LAMA4: variants seen among roughly 807,000 people sequenced by gnomAD.
LAMA4 encodes laminin subunit alpha 4.
In LAMA4, 127 loss-of-function variants were observed where a neutral mutation model predicts 207.1. The ratio of observed to expected loss-of-function variants is 0.61; its 90% CI spans 0.53 to 0.71. The LOEUF (loss-of-function observed/expected upper bound fraction) is 0.71. LAMA4 is among the 30% of genes least tolerant of loss of function. The pLI is 0.00. For synonymous variants in LAMA4, 761 were observed against 816.0 expected (o/e 0.93, Z 1.15); for missense variants, 2,093 against 2,246.5 (o/e 0.93, Z 1.38).
intron 2 of LAMA4, among the ~76,000 whole-genome samples, chr6:112,229,416 T>A (rs1384771295): frequency 6.6e-6 from 1 of 152,162 alleles, no homozygotes; most frequent in Non-Finnish European, 1.5e-5. Flanking sequence ...TCCTCCAACA[T>A]CCTGAACTCA....
At chr6:112,229,032 C>G (rs1156256216) in intron 2 of LAMA4, among the ~76,000 whole-genome samples, 1 of 152,212 alleles carries the variant, frequency 6.6e-6, no homozygotes, top group Non-Finnish European at 1.5e-5. Flanking sequence ...AGGTCAAGGA[C>G]TCTTTCAAAT....
chr6:112,207,107 C>A lies in LAMA4; in HGVS notation c.336G>T (p.Lys112Asn). 1 of 1,614,006 alleles carries A rather than the reference C, an allele frequency of 6.2e-7. No individual in the cohort carries two copies. Among genetic ancestry groups the A allele is most frequent in the Non-Finnish European group, 8.5e-7 (1 of 1,179,958 alleles). ...QRNTTGEHCE[K>N]CLDGYIGDSI... The stretch of plus-strand genomic sequence containing the variant: ...AATCTCCGATATAACCATCCAGACA[C>A]TTTTCACAGTGCTCTCCTGTTGTGT... Residue 112 changes from lysine to asparagine, a missense_variant, in exon 4 of 39, where the codon AAG (lysine) becomes AAT (asparagine). Physicochemically the swap from Lys to Asn is moderately conservative, Grantham distance 94. Transcript: ENST00000230538.
intron 6 of LAMA4, among the ~76,000 whole-genome samples, chr6:112,190,947 C>CTTTCTTTCCTTTCTTTCTTT (rs1491586717): frequency 2.7e-4 from 11 of 40,502 alleles, no homozygotes; most frequent in South Asian, 9.5e-4. Context: ...TTCTTTCTTT[C>CTTTCTTTCCTTTCTTTCTTT]CTTTCTTTCT....
chr6:112,215,473 T>C (rs1784572756), intron 3 of LAMA4, among the ~76,000 whole-genome samples: 1 of 152,202 alleles, frequency 6.6e-6, no homozygotes, highest in South Asian at 2.1e-4. Flanking sequence ...GTTGAGTGCA[T>C]TTAAATAAGT....
Position 112,254,075 on chromosome 6 carries a change from A to G in LAMA4, c.76T>C (p.Ser26Pro). The change falls in exon 2 of 39, where the codon TCC becomes CCC. Residue 26 changes from serine to proline, a missense_variant. Physicochemically the swap from Ser to Pro is moderately conservative, Grantham distance 74. Coordinates refer to ENST00000230538, the MANE Select transcript of LAMA4 (RefSeq NM_001105206.3). Reference sequence around the variant, plus strand: ...AAAGGAAAAGCGTTGTCGTCCCCGGACGCGGCGCGGGAGCAGGCAGCGCTC... The same window carrying G: ...AAAGGAAAAGCGTTGTCGTCCCCGGGCGCGGCGCGGGAGCAGGCAGCGCTC... ...LWSAACSRAA[S>P]GDDNAFPFDI... 3 of 1,611,466 alleles carry G rather than the reference A, an allele frequency of 1.9e-6. No individual in the cohort carries two copies. The highest frequency in any genetic ancestry group is 2.5e-6 in the Non-Finnish European group (3 of 1,179,304).
At chr6:112,129,499 C>G (rs1254084776) in intron 30 of LAMA4, among the ~76,000 whole-genome samples, 1 of 152,110 alleles carries the variant, frequency 6.6e-6, no homozygotes, top group Non-Finnish European at 1.5e-5. Context: ...GTATGTTACT[C>G]TGTCATTAAT....
intron 13 of LAMA4, among the ~76,000 whole-genome samples, chr6:112,161,673 G>T (rs1005055566): frequency 2.0e-5 from 3 of 152,308 alleles, no homozygotes; most frequent in African/African-American, 7.2e-5. Flanking sequence ...GCTAATTTCA[G>T]GGAGTAAAAG....
chr6:112,178,202 C>T lies in LAMA4; in HGVS notation c.1108G>A (p.Val370Ile). ...ATGGTGTCCATGCTTTCCTTCTGAA[C>T]AAGTTGTCCTTTTCTGGAGGCTTGA... ...ENQASRKGQLVQKESMDTINH... is the reference protein window; with the variant it reads ...ENQASRKGQLIQKESMDTINH... Residue 370 changes from valine to isoleucine, a missense_variant, in exon 10 of 39, where the codon GTT (valine) becomes ATT (isoleucine). Val to Ile is a conservative substitution (Grantham distance 29). Around this residue, in one of 3 missense-constraint regions of LAMA4, gnomAD observed 1,704 missense variants for 1,788.4 expected, o/e 0.95. Transcript: ENST00000230538. 1 of 1,613,832 alleles carries T rather than the reference C, an allele frequency of 6.2e-7. No homozygotes were observed.
At chr6:112,131,675 G>C (rs976742838) in intron 28 of LAMA4, among the ~76,000 whole-genome samples, 12 of 152,004 alleles carry the variant, frequency 7.9e-5, no homozygotes, top group African/African-American at 2.9e-4. Flanking sequence ...ACTTTTTATG[G>C]GCAAAAAGTG....
intron 2 of LAMA4, among the ~76,000 whole-genome samples, chr6:112,237,838 A>T (rs1189612855): frequency 2.0e-5 from 3 of 152,202 alleles, no homozygotes; most frequent in African/African-American, 7.2e-5. Flanking sequence ...GCCCTCCTGG[A>T]TGGTTACCAA....
At chr6:112,221,705 G>C (rs772560460) in intron 2 of LAMA4, among the ~76,000 whole-genome samples, 108 of 151,372 alleles carry the variant, frequency 7.1e-4, no homozygotes, top group Non-Finnish European at 1.2e-3. Flanking sequence ...TGCTCAGTTA[G>C]GAGCTAAAAC....
chr6:112,211,828 C>T lies in LAMA4; in HGVS notation c.297+4540G>A, dbSNP rs180910729. On this transcript the variant is annotated intron_variant, in intron 3 of 38. Transcript: ENST00000230538. Reference sequence around the variant, plus strand: ...GCTCAGTGTGGCTGGAGGAGAAACTCCTGGAGGATTTTGGAAAGTGGGATG... The same window carrying T: ...GCTCAGTGTGGCTGGAGGAGAAACTTCTGGAGGATTTTGGAAAGTGGGATG... Among the ~76,000 whole-genome samples the T allele has an allele frequency of 6.0e-4, 91 of 152,212 alleles. 1 individual carries two copies. The highest frequency in any genetic ancestry group is 3.4e-3 in the Middle Eastern group (1 of 294).
At chr6:112,131,184 T>G in intron 28 of LAMA4, 83 bp from the exon 29 acceptor site, 2 of 1,292,528 alleles carry the variant, frequency 1.5e-6, no homozygotes, top group Non-Finnish European at 2.2e-6. Flanking sequence ...TGAATGGTAT[T>G]GCTTAAAGGC....
chr6:112,110,408 C>T (rs1443858743), intron 38 of LAMA4, among the ~76,000 whole-genome samples: 1 of 152,122 alleles, frequency 6.6e-6, no homozygotes, highest in African/African-American at 2.4e-5. Context: ...ACTTAGAAAT[C>T]AGTAATTCAG....
In LAMA4 at chr6:112,190,944, TTTCCTTTCTTTC is replaced by T. The variant is rs1472571564; in HGVS notation, c.718+680_718+691del. ...CTTTCTTTCTTTCTTTCTTTCTTTC[TTTCCTTTCTTTC>T]TTTCTTTCTTTCTTTCTTTCTTTCT... On this transcript the variant is annotated intron_variant, in intron 6 of 38. Coordinates refer to ENST00000230538, the MANE Select transcript of LAMA4 (RefSeq NM_001105206.3). Among the ~76,000 whole-genome samples, 356 of 41,644 alleles carry T rather than the reference TTTCCTTTCTTTC, an allele frequency of 8.5e-3. 3 individuals carry two copies. Among genetic ancestry groups the T allele is most frequent in the South Asian group, 0.021 (20 of 964 alleles). 27.3% of individuals were successfully genotyped at this position (41,644 alleles called of 152,430 possible).
intron 11 of LAMA4, 62 bp downstream of exon 11, chr6:112,175,251 G>A (rs1248557825): frequency 6.6e-7 from 1 of 1,511,368 alleles, no homozygotes; most frequent in East Asian, 2.3e-5. Context: ...TTTAATGTCT[G>A]CTATTGGACC....
intron 16 of LAMA4, among the ~76,000 whole-genome samples, chr6:112,151,039 A>G (rs990218043): frequency 6.6e-6 from 1 of 151,940 alleles, no homozygotes; most frequent in African/African-American, 2.4e-5. Context: ...GCAATATAAC[A>G]TACATCTAGA....
intron 2 of LAMA4, among the ~76,000 whole-genome samples, chr6:112,249,637 T>C (rs1231756922): frequency 6.6e-6 from 1 of 152,098 alleles, no homozygotes; most frequent in Non-Finnish European, 1.5e-5. Context: ...TTTCTATGTG[T>C]ATCAAATGAG....
chr6:112,155,306 A>AT (rs533537554), intron 15 of LAMA4: 4,019 of 509,498 alleles, frequency 7.9e-3, no homozygotes, highest in East Asian at 0.011. Context: ...TTAAATACAT[A>AT]TTTTTTTTTT....
Sources: allele counts gnomAD v4.1 joint callset (sites outside exome capture counted in the v4.1 genomes callset), GRCh38; gene constraint gnomAD v4.1.1; regional missense constraint gnomAD v4.1.1; transcripts MANE v1.5; gene names NCBI Gene and HGNC (gene_info 2026-07-23, HGNC 2026-07-21).